The following DENND5B variants were observed in gnomAD, a reference collection of about 807,000 sequenced individuals.
DENND5B encodes DENN domain containing 5B.
Under a neutral mutation model 140.6 loss-of-function variants are expected in DENND5B, and 34 were observed. The ratio of observed to expected loss-of-function variants is 0.24; its 90% CI spans 0.18 to 0.32. The LOEUF (loss-of-function observed/expected upper bound fraction) is 0.32. DENND5B is among the 10% of genes least tolerant of loss of function. The pLI is 1.00. For synonymous variants in DENND5B, 551 were observed against 562.1 expected (o/e 0.98, Z 0.28); for missense variants, 1,142 against 1,560.2 (o/e 0.73, Z 4.52).
At chr12:31,426,641 G>A in intron 8 of DENND5B, 1 of 442,100 alleles carries the variant, frequency 2.3e-6, no homozygotes, top group Non-Finnish European at 4.0e-6. Context: ...TAAAGTGACA[G>A]AAACCCCATC....
chr12:31,399,127 CA>C (rs1491109183), intron 16 of DENND5B, among the ~76,000 whole-genome samples: 1 of 13,914 alleles, frequency 7.2e-5, no homozygotes, highest in African/African-American at 2.8e-4. Context: ...TGTCTCAGCC[CA>C]AAAAAAAAAA....
intron 1 of DENND5B, among the ~76,000 whole-genome samples, chr12:31,581,259 G>A (rs557983139): frequency 6.6e-6 from 1 of 152,190 alleles, no homozygotes; most frequent in South Asian, 2.1e-4. Flanking sequence ...TTTGGGAACT[G>A]GCAGTATCAT....
At chr12:31,520,517 A>G (rs1947835972) in intron 1 of DENND5B, among the ~76,000 whole-genome samples, 1 of 152,156 alleles carries the variant, frequency 6.6e-6, no homozygotes, top group Non-Finnish European at 1.5e-5. Flanking sequence ...TGAACCATAT[A>G]TATAATTTAA....
At chr12:31,515,601 T>C (rs1337508342) in intron 1 of DENND5B, among the ~76,000 whole-genome samples, 3 of 152,110 alleles carry the variant, frequency 2.0e-5, no homozygotes, top group African/African-American at 7.2e-5. Flanking sequence ...TCAGGATGAG[T>C]TCTAAACAAC....
chr12:31,492,533 T>C (rs746947198), intron 2 of DENND5B, among the ~76,000 whole-genome samples: 2 of 152,206 alleles, frequency 1.3e-5, no homozygotes, highest in Non-Finnish European at 2.9e-5. Flanking sequence ...AGGGCCTCCC[T>C]ATGTTGCTTA....
intron 15 of DENND5B, among the ~76,000 whole-genome samples, chr12:31,400,974 C>G (rs759484114): frequency 6.6e-6 from 1 of 152,032 alleles, no homozygotes; most frequent in African/African-American, 2.4e-5. Flanking sequence ...TCCCGAGAAG[C>G]TGGGATTACA....
In DENND5B at chr12:31,386,905, G is replaced by A. The variant is rs1369102609; in HGVS notation, c.*698C>T. On this transcript the variant is annotated 3_prime_UTR_variant, in exon 21 of 21. Transcript: ENST00000389082. ...GTAAAGAAGTTATAATCCCACAATT[G>A]AACACATTTCTCAGAGCTTTGTATG... is the stretch of plus-strand genomic sequence containing the variant. The A allele has an allele frequency of 1.3e-5, 2 of 152,296 alleles. No homozygotes were observed. The highest frequency in any genetic ancestry group is 2.1e-4 in the South Asian group (1 of 4,824). The allele number at this position is 152,296 out of a possible 1,614,324, so 9.4% of individuals were successfully genotyped here.
At chr12:31,461,062 G>A (rs1398894549) in intron 3 of DENND5B, among the ~76,000 whole-genome samples, 1 of 151,816 alleles carries the variant, frequency 6.6e-6, no homozygotes, top group Non-Finnish European at 1.5e-5. Flanking sequence ...ATACATGAAT[G>A]CTTACACAAT....
chr12:31,432,983 A>T lies in DENND5B; in HGVS notation c.2106+172T>A, dbSNP rs1292741181. ...ATGTCTTGAAATTACAAAAATGGAAAAAAGGGTGTTTTCTGCTATATGTCC... is the reference window on the plus strand; with the variant it reads ...ATGTCTTGAAATTACAAAAATGGAATAAAGGGTGTTTTCTGCTATATGTCC... On this transcript the variant is annotated intron_variant, in intron 8 of 20. Coordinates refer to ENST00000389082, the MANE Select transcript of DENND5B (RefSeq NM_144973.4). The T allele has an allele frequency of 2.7e-5, 15 of 549,338 alleles. No individual in the cohort carries two copies. In the East Asian group the frequency reaches 4.7e-4, roughly 17 times the overall value. The allele number at this position is 549,338 out of a possible 1,614,324, so 34.0% of individuals were successfully genotyped here.
intron 3 of DENND5B, among the ~76,000 whole-genome samples, chr12:31,478,557 C>T (rs1219280526): frequency 1.3e-5 from 2 of 152,200 alleles, no homozygotes; most frequent in East Asian, 3.9e-4. Flanking sequence ...AAAAAATTAG[C>T]TGATGCGGTG....
At chr12:31,442,950 TAG>T (rs747300345) in intron 6 of DENND5B, 25 bp from the exon 7 acceptor site, 162 of 1,541,474 alleles carry the variant, frequency 1.1e-4, no homozygotes, top group Admixed American at 7.8e-4. Flanking sequence ...TATAATAAAT[TAG>T]AGACATTTCA....
chr12:31,539,464 T>A (rs1385606855), intron 1 of DENND5B, among the ~76,000 whole-genome samples: 1 of 152,120 alleles, frequency 6.6e-6, no homozygotes, highest in Non-Finnish European at 1.5e-5. Context: ...TGAAAATTGA[T>A]GCAAAAATCC....
At chr12:31,428,432 C>T (rs1246771766) in intron 8 of DENND5B, among the ~76,000 whole-genome samples, 1 of 152,112 alleles carries the variant, frequency 6.6e-6, no homozygotes, top group African/African-American at 2.4e-5. Context: ...GACGGAATCT[C>T]GATCTGTCAC....
intron 2 of DENND5B, among the ~76,000 whole-genome samples, chr12:31,490,957 A>T (rs2138681349): frequency 6.6e-6 from 1 of 152,316 alleles, no homozygotes; most frequent in Non-Finnish European, 1.5e-5. Context: ...TTTCATTAGG[A>T]CAGACATAAA....
intron 3 of DENND5B, among the ~76,000 whole-genome samples, chr12:31,471,957 G>T (rs1255290670): frequency 1.3e-5 from 2 of 152,058 alleles, no homozygotes; most frequent in African/African-American, 2.4e-5. Flanking sequence ...ATTCCAAGTG[G>T]AACACCCCAG....
chr12:31,523,060 C>CTTT (rs35765933), intron 1 of DENND5B, among the ~76,000 whole-genome samples: 1 of 139,430 alleles, frequency 7.2e-6, no homozygotes, highest in African/African-American at 2.6e-5. Context: ...TTTTTTTTTC[C>CTTT]TTTTTTTTTT....
chr12:31,412,650 T>A (rs1348194630), intron 13 of DENND5B, among the ~76,000 whole-genome samples: 1 of 152,224 alleles, frequency 6.6e-6, no homozygotes, highest in African/African-American at 2.4e-5. Context: ...CACAGACCAG[T>A]ACTGGTCCAT....
chr12:31,464,475 T>C (rs978558930), intron 3 of DENND5B, among the ~76,000 whole-genome samples: 9 of 152,190 alleles, frequency 5.9e-5, no homozygotes, highest in African/African-American at 2.2e-4. Context: ...CACTGAAACA[T>C]TACAATTCTA....
intron 3 of DENND5B, among the ~76,000 whole-genome samples, chr12:31,461,298 T>C (rs959888904): frequency 2.0e-5 from 3 of 152,198 alleles, no homozygotes; most frequent in African/African-American, 7.2e-5. Context: ...TTACACTTTC[T>C]ATGTCTAACC....
Sources: gnomAD v4.1 joint callset for allele counts (sites outside exome capture counted in the v4.1 genomes callset) on GRCh38, gnomAD v4.1.1 for gene constraint, MANE v1.5 for transcripts, NCBI Gene and HGNC (gene_info 2026-07-23, HGNC 2026-07-21) for gene names.